PPARGC1A: variants seen among roughly 807,000 people sequenced by gnomAD.
The protein encoded by PPARGC1A is peroxisome proliferator-activated receptor gamma coactivator 1-alpha.
PPARGC1A carries 25 observed loss-of-function variants against 88.7 expected under a neutral mutation model. That is an observed-to-expected ratio of 0.28 (90% CI 0.21 to 0.39). The LOEUF (loss-of-function observed/expected upper bound fraction) is 0.39, where lower values mean the gene tolerates loss of function less well. PPARGC1A is among the 10% of genes least tolerant of loss of function. The pLI is 1.00. For synonymous variants in PPARGC1A, 363 were observed against 355.6 expected (o/e 1.02, Z -0.24); for missense variants, 880 against 968.7 (o/e 0.91, Z 1.22).
At chr4:23,992,531 C>G in the PPARGC1A span, among the ~76,000 whole-genome samples, 7 of 151,226 alleles carry the variant, frequency 4.6e-5, no homozygotes, top group Middle Eastern at 3.2e-3. Context: ...AGTTTGCACC[C>G]AAAAAAAACA....
the PPARGC1A span, among the ~76,000 whole-genome samples, chr4:23,948,683 C>T: frequency 1.3e-5 from 2 of 152,192 alleles, no homozygotes; most frequent in East Asian, 1.9e-4. Context: ...AATTCCACTT[C>T]ATGCCTGTGG....
At chr4:24,137,614 G>A in the PPARGC1A span, among the ~76,000 whole-genome samples, 1 of 152,238 alleles carries the variant, frequency 6.6e-6, no homozygotes, top group South Asian at 2.1e-4. Context: ...AAAATTCAGA[G>A]GCCCTTGCCC....
At chr4:24,109,304 C>T in the PPARGC1A span, among the ~76,000 whole-genome samples, 1 of 122,654 alleles carries the variant, frequency 8.2e-6, no homozygotes, top group Admixed American at 7.6e-5. Flanking sequence ...ATTATACACA[C>T]ACACACACAC....
the PPARGC1A span, among the ~76,000 whole-genome samples, chr4:24,010,072 T>G: frequency 4.6e-5 from 7 of 152,278 alleles, no homozygotes; most frequent in Admixed American, 1.3e-4. Flanking sequence ...GGAGGCTACA[T>G]TGGTTCGGAA....
chr4:24,333,692 G>T, the PPARGC1A span, among the ~76,000 whole-genome samples: 37 of 152,172 alleles, frequency 2.4e-4, no homozygotes, highest in African/African-American at 8.9e-4. Flanking sequence ...CCAGCACTTT[G>T]GGAGGCCAAG....
At chr4:24,014,112 C>T in the PPARGC1A span, among the ~76,000 whole-genome samples, 21 of 152,110 alleles carry the variant, frequency 1.4e-4, no homozygotes, top group Non-Finnish European at 2.4e-4. Context: ...ATTTTCAAAC[C>T]GAGAGCAACC....
the PPARGC1A span, among the ~76,000 whole-genome samples, chr4:24,214,680 T>TG: frequency 6.6e-6 from 1 of 152,076 alleles, no homozygotes. Flanking sequence ...ATGCTGTCTG[T>TG]GGTGTGTCGA....
the PPARGC1A span, among the ~76,000 whole-genome samples, chr4:24,129,460 T>A: frequency 6.6e-6 from 1 of 152,192 alleles, no homozygotes; most frequent in Admixed American, 6.5e-5. Flanking sequence ...TAAGCTTTGA[T>A]GGCTTTACAG....
the PPARGC1A span, among the ~76,000 whole-genome samples, chr4:24,190,950 C>T: frequency 1.5e-4 from 9 of 59,060 alleles, no homozygotes; most frequent in Admixed American, 6.5e-4. Context: ...TGCAGGGTGC[C>T]TGAATACTGC....
the PPARGC1A span, among the ~76,000 whole-genome samples, chr4:23,957,152 T>A: frequency 1.3e-5 from 2 of 152,098 alleles, no homozygotes; most frequent in Admixed American, 1.3e-4. Context: ...ACCCAGCCTA[T>A]GCAGTGCTCA....
At chr4:23,800,098 A>ACT (rs1283568589) in intron 12 of PPARGC1A, among the ~76,000 whole-genome samples, 1 of 152,148 alleles carries the variant, frequency 6.6e-6, no homozygotes, top group Non-Finnish European at 1.5e-5. Flanking sequence ...TGTATCAATT[A>ACT]CTCTAGGAAG....
At chr4:24,125,308 A>G in the PPARGC1A span, among the ~76,000 whole-genome samples, 1 of 152,110 alleles carries the variant, frequency 6.6e-6, no homozygotes, top group Non-Finnish European at 1.5e-5. Flanking sequence ...AAATGCCTAT[A>G]AATTCATTTT....
chr4:24,147,275 G>A, the PPARGC1A span, among the ~76,000 whole-genome samples: 5 of 152,192 alleles, frequency 3.3e-5, no homozygotes, highest in South Asian at 6.2e-4. Context: ...TGCTCGAACC[G>A]GAAGGTCGGG....
At chr4:24,096,775 A>G in the PPARGC1A span, among the ~76,000 whole-genome samples, 1 of 152,212 alleles carries the variant, frequency 6.6e-6, no homozygotes, top group Non-Finnish European at 1.5e-5. Context: ...TTTTCCCTCC[A>G]GATAAGCAGC....
chr4:24,398,528 T>C, the PPARGC1A span, among the ~76,000 whole-genome samples: 31 of 152,378 alleles, frequency 2.0e-4, no homozygotes, highest in South Asian at 6.4e-3. Flanking sequence ...GTTCATGTTT[T>C]CAGTTCTCTT....
chr4:23,822,195 T>C (rs1723129493), intron 7 of PPARGC1A, among the ~76,000 whole-genome samples: 1 of 152,094 alleles, frequency 6.6e-6, no homozygotes, highest in African/African-American at 2.4e-5. Flanking sequence ...TGTTGCTCCT[T>C]ATTGATTTCA....
At chr4:23,923,116 G>GTTTTGTTTTTTTTTTTT in the PPARGC1A span, among the ~76,000 whole-genome samples, 2 of 131,688 alleles carry the variant, frequency 1.5e-5, no homozygotes, top group African/African-American at 2.8e-5. Context: ...TTTGTTGCTT[G>GTTTTGTTTTTTTTTTTT]TTTTTTTTTT....
the PPARGC1A span, among the ~76,000 whole-genome samples, chr4:24,016,512 T>G: frequency 1.3e-5 from 2 of 152,152 alleles, no homozygotes; most frequent in African/African-American, 4.8e-5. Context: ...GGTGTGCTCT[T>G]GGCCTATTCA....
At chr4:24,248,384 C>A in the PPARGC1A span, among the ~76,000 whole-genome samples, 1 of 151,980 alleles carries the variant, frequency 6.6e-6, no homozygotes, top group Non-Finnish European at 1.5e-5. Flanking sequence ...CTCGGACTCC[C>A]AAAATGCTGG....
Sources: allele counts gnomAD v4.1 joint callset (sites outside exome capture counted in the v4.1 genomes callset), GRCh38; gene constraint gnomAD v4.1.1; transcripts MANE v1.5; gene names NCBI Gene and HGNC (gene_info 2026-07-23, HGNC 2026-07-21).